Variants in SLCO3A1 observed in about 807,000 individuals in gnomAD.
SLCO3A1 encodes the protein PGE1 transporter.
A neutral mutation model predicts 63.1 loss-of-function variants in SLCO3A1; 27 were observed. That is an observed-to-expected ratio of 0.43 (90% CI 0.32 to 0.59). The LOEUF (loss-of-function observed/expected upper bound fraction) is 0.59. Ranked by LOEUF, SLCO3A1 falls within the 20% of genes least tolerant of loss-of-function variation. The pLI, the probability that SLCO3A1 is intolerant of heterozygous loss-of-function variation, is 0.09. For missense variants in SLCO3A1, 773 were observed against 945.8 expected (o/e 0.82, Z 2.40); for synonymous variants, 473 against 409.9 (o/e 1.15, Z -1.86).
In SLCO3A1 at chr15:91,894,517, A is replaced by C. The variant is rs1897954875; in HGVS notation, c.181-21476A>C. On this transcript the variant is annotated intron_variant, in intron 1 of 9. Transcript: ENST00000318445. The surrounding 1 kb of genome is among the most constrained non-coding windows in gnomAD (Gnocchi z 4.8). ...ATTGGAATCTGCCAAGGTAGGGCCA[A>C]GTGATGGGTGGATTAGATGTCTGAA... 6.6e-6 allele frequency among the ~76,000 whole-genome samples: 1 copy of C among 152,128 alleles called. No homozygotes were observed. Among genetic ancestry groups the C allele is most frequent in the South Asian group, 2.1e-4 (1 of 4,820 alleles).
At chr15:92,168,209 T>C (rs545102447), downstream of SLCO3A1, among the ~76,000 whole-genome samples, 1 of 152,176 alleles carries the variant, frequency 6.6e-6, no homozygotes, top group Non-Finnish European at 1.5e-5. Context: ...TTCTGCCTCA[T>C]GGCAGCAAGA....
In SLCO3A1 at chr15:91,861,016, C is replaced by T. The variant is rs139585760; in HGVS notation, c.180+6928C>T. Among the ~76,000 whole-genome samples the T allele has an allele frequency of 2.1e-3, 313 of 152,328 alleles. 2 individuals carry two copies. Among genetic ancestry groups the T allele is most frequent in the African/African-American group, 7.1e-3 (296 of 41,578 alleles). ...GTAGTCTTAGAAGCAGCCTTCCCGC[C>T]CCCAGTCTGGTCACACCTGTCCTTG... On this transcript the variant is annotated intron_variant, in intron 1 of 9. Coordinates refer to ENST00000318445, the MANE Select transcript of SLCO3A1 (RefSeq NM_013272.4).
intron 2 of SLCO3A1, among the ~76,000 whole-genome samples, chr15:92,085,276 C>T (rs1346125961): frequency 6.6e-6 from 1 of 152,196 alleles, no homozygotes; most frequent in East Asian, 1.9e-4. Flanking sequence ...TAGCCGTGTG[C>T]CTGCATCTGA....
At chr15:91,879,568 A>G (rs1897499789) in intron 1 of SLCO3A1, among the ~76,000 whole-genome samples, 1 of 152,234 alleles carries the variant, frequency 6.6e-6, no homozygotes, top group African/African-American at 2.4e-5. Context: ...TTAGGTTGCA[A>G]CAAAAATATG....
intron 4 of SLCO3A1, among the ~76,000 whole-genome samples, chr15:92,117,977 G>T (rs529655021): frequency 2.7e-4 from 41 of 152,224 alleles, no homozygotes; most frequent in African/African-American, 9.9e-4. Flanking sequence ...TTACATATAG[G>T]TGTTATAAAG....
chr15:92,156,244 A>C (rs1181617762), intron 9 of SLCO3A1, among the ~76,000 whole-genome samples: 2 of 152,134 alleles, frequency 1.3e-5, no homozygotes, highest in East Asian at 3.9e-4. Flanking sequence ...AGAGGGAGTG[A>C]GATACGGCGG....
At chr15:91,936,884 A>G (rs987176146) in intron 2 of SLCO3A1, among the ~76,000 whole-genome samples, 1 of 152,198 alleles carries the variant, frequency 6.6e-6, no homozygotes, top group Non-Finnish European at 1.5e-5. Context: ...CGTAGGCACC[A>G]TATGTCCCAA....
chr15:91,907,367 G>C (rs1428351239), intron 1 of SLCO3A1, among the ~76,000 whole-genome samples: 1 of 150,952 alleles, frequency 6.6e-6, no homozygotes, highest in Admixed American at 6.6e-5. Context: ...CACCAAGCCT[G>C]GCTAATTTTT....
intron 1 of SLCO3A1, among the ~76,000 whole-genome samples, chr15:91,895,423 A>T (rs1897979278): frequency 6.6e-6 from 1 of 152,224 alleles, no homozygotes; most frequent in Non-Finnish European, 1.5e-5. Context: ...ACCAGGCCAT[A>T]GGATTTAGGG....
intron 2 of SLCO3A1, among the ~76,000 whole-genome samples, chr15:92,041,401 A>G (rs185653696): frequency 6.6e-6 from 1 of 152,334 alleles, no homozygotes; most frequent in Non-Finnish European, 1.5e-5. Context: ...ACTTCAGCAC[A>G]TGAATCACAT....
intron 2 of SLCO3A1, among the ~76,000 whole-genome samples, chr15:92,062,966 C>T (rs566364718): frequency 6.6e-6 from 1 of 152,334 alleles, no homozygotes; most frequent in Non-Finnish European, 1.5e-5. Context: ...CAGCATTTCT[C>T]AAAGTGGGAG....
intron 1 of SLCO3A1, among the ~76,000 whole-genome samples, chr15:91,873,574 A>G (rs1270566347): frequency 1.3e-5 from 2 of 152,048 alleles, no homozygotes; most frequent in African/African-American, 4.8e-5. Flanking sequence ...ACATACATAC[A>G]TACATACTTT....
intron 2 of SLCO3A1, among the ~76,000 whole-genome samples, chr15:91,963,920 A>G (rs1003624712): frequency 6.6e-6 from 1 of 152,010 alleles, no homozygotes; most frequent in African/African-American, 2.4e-5. Context: ...TTATTCCCTT[A>G]TTTGGCCCCG....
rs2047998424 is a variant in SLCO3A1, at chr15:92,131,617, C to G, written c.1512+3128C>G. Among the ~76,000 whole-genome samples, 2 of 145,608 alleles carry G rather than the reference C, an allele frequency of 1.4e-5. 1 individual carries two copies. Among genetic ancestry groups the G allele is most frequent in the Non-Finnish European group, 3.1e-5 (2 of 65,046 alleles). On this transcript the variant is annotated intron_variant, in intron 7 of 9. Transcript: ENST00000318445. ...TCCTGACCTCAAGTGATCCACCCGT[C>G]TCGGCCTCCCAAAGTGCTGGGATTA...
intron 2 of SLCO3A1, among the ~76,000 whole-genome samples, chr15:91,965,073 A>G (rs55888073): frequency 0.06 from 9,086 of 152,220 alleles, 395 homozygotes; most frequent in Non-Finnish European, 0.091. Context: ...AAACATACCC[A>G]GGGAGAGGGG....
In SLCO3A1 at chr15:91,853,899, CG is replaced by C; in HGVS notation, c.-5del. On this transcript the variant is annotated 5_prime_UTR_variant, in exon 1 of 10. Coordinates refer to ENST00000318445, the MANE Select transcript of SLCO3A1 (RefSeq NM_013272.4). ...GCAGCGGCGGCGGCGGCGGCGGCGG[CG>C]GGGGAAGGATGCAGGGGAAGAAGCC... is the stretch of plus-strand genomic sequence containing the variant. 2 of 1,336,246 alleles carry C rather than the reference CG, an allele frequency of 1.5e-6. No individual in the cohort carries two copies. The highest frequency in any genetic ancestry group is 1.9e-6 in the Non-Finnish European group (2 of 1,037,296). 82.8% of individuals were successfully genotyped at this position (1,336,246 alleles called of 1,614,324 possible).
chr15:92,008,635 T>G (rs1189001924), intron 2 of SLCO3A1, among the ~76,000 whole-genome samples: 2 of 152,242 alleles, frequency 1.3e-5, no homozygotes, highest in Non-Finnish European at 2.9e-5. Context: ...AAATCAGGTT[T>G]AAAATTCTGT....
intron 8 of SLCO3A1, 53 bp downstream of exon 8, chr15:92,147,212 G>C: frequency 4.5e-6 from 7 of 1,545,178 alleles, no homozygotes; most frequent in Non-Finnish European, 6.2e-6. Flanking sequence ...GTGTTCATCT[G>C]CAGGCCTCCT....
chr15:91,979,725 T>G (rs746126148), intron 2 of SLCO3A1, among the ~76,000 whole-genome samples: 2 of 152,260 alleles, frequency 1.3e-5, no homozygotes, highest in Non-Finnish European at 2.9e-5. Context: ...TAATAGTATC[T>G]ATGTCCTAAG....
Sources: gnomAD v4.1 joint callset for allele counts (sites outside exome capture counted in the v4.1 genomes callset) on GRCh38, gnomAD v4.1.1 for gene constraint, Gnocchi (gnomAD v3.1) non-coding constraint, MANE v1.5 for transcripts, NCBI Gene and HGNC (gene_info 2026-07-23, HGNC 2026-07-21) for gene names.